ABR: variants seen among roughly 807,000 people sequenced by gnomAD.
ABR encodes the protein active breakpoint cluster region-related protein.
A neutral mutation model predicts 107.2 loss-of-function variants in ABR; 35 were observed. The ratio of observed to expected loss-of-function variants is 0.33; its 90% CI spans 0.25 to 0.43. The LOEUF is 0.43. Ranked by LOEUF, ABR falls within the 20% of genes least tolerant of loss-of-function variation. The pLI is 1.00. For missense variants in ABR, 815 were observed against 1,115.2 expected (o/e 0.73, Z 3.83); for synonymous variants, 498 against 462.0 (o/e 1.08, Z -1.00).
intron 1 of ABR, among the ~76,000 whole-genome samples, chr17:1,221,597 G>A (rs142632638): frequency 9.2e-5 from 14 of 152,184 alleles, no homozygotes; most frequent in Non-Finnish European, 1.0e-4. Flanking sequence ...AACCCCTATC[G>A]ACCAATCCCA....
In ABR at chr17:1,078,373, G is replaced by A. The variant is rs1427265862; in HGVS notation, c.700+957C>T. ...AAAGAAACTCCCAACTTCTCCCTCT[G>A]GCTCGCGCTGGCACCCTCTCGGCTG... On this transcript the variant is annotated intron_variant, in intron 6 of 22. Transcript: ENST00000302538. The surrounding 1 kb of genome is among the most constrained non-coding windows in gnomAD (Gnocchi z 7.5). Among the ~76,000 whole-genome samples, 1 of 152,068 alleles carries A rather than the reference G, an allele frequency of 6.6e-6. No individual in the cohort carries two copies. Among genetic ancestry groups the A allele is most frequent in the Non-Finnish European group, 1.5e-5 (1 of 67,998 alleles).
At chr17:1,072,881 AAC>A in intron 7 of ABR, 127 bp from the exon 8 acceptor site, 1 of 1,285,644 alleles carries the variant, frequency 7.8e-7, no homozygotes, top group Non-Finnish European at 1.0e-6. Context: ...GCAAAATCTG[AAC>A]TACAAATCAG....
intron 16 of ABR, among the ~76,000 whole-genome samples, chr17:1,046,254 TCGGCCTCC>T (rs2031585475): frequency 7.5e-6 from 1 of 133,224 alleles, no homozygotes; most frequent in Non-Finnish European, 1.8e-5. Flanking sequence ...TCCGCCCGCC[TCGGCCTCC>T]CAAAGTGCTG....
intron 6 of ABR, among the ~76,000 whole-genome samples, chr17:1,076,634 A>T (rs1033805556): frequency 2.0e-5 from 3 of 148,456 alleles, no homozygotes; most frequent in Admixed American, 1.4e-4. Context: ...GGTTATTAAC[A>T]TGTCTGTGGT....
At chr17:1,007,944 C>T (rs2070192206) in intron 21 of ABR, among the ~76,000 whole-genome samples, 1 of 152,232 alleles carries the variant, frequency 6.6e-6, no homozygotes, top group South Asian at 2.1e-4. Flanking sequence ...TGTGCTGGGG[C>T]AGGAGCAGCC....
In ABR at chr17:1,050,565, C is replaced by T. The variant is rs2032362064; in HGVS notation, c.1631G>A (p.Arg544Gln). 4 of 1,614,016 alleles carry T rather than the reference C, an allele frequency of 2.5e-6. No individual in the cohort carries two copies. The highest frequency in any genetic ancestry group is 2.5e-6 in the Non-Finnish European group (3 of 1,179,990). ...ATCCCACTTGGGCTCCGCTGTGTCC[C>T]GGAACACCCTGGTTTTGGCTTTGCT... ...FVSKAKTRVF[R>Q]DTAEPKWDEE... The change falls in exon 15 of 23, where the codon CGG becomes CAG. Residue 544 changes from arginine to glutamine, a missense_variant. Around this residue, in one of 5 missense-constraint regions of ABR, gnomAD observed 385 missense variants for 596.9 expected, o/e 0.64. Transcript: ENST00000302538. This position sits in a 1 kb window ranked among gnomAD's most constrained non-coding sequence, Gnocchi z 4.6.
In ABR at chr17:1,011,824, C is replaced by G. The variant is rs376076777; in HGVS notation, c.2101+22G>C. Reference sequence around the variant, plus strand: ...TGCTCAGACACAGCCACACCTGCCCCGGCTGGGCCTCCCAGACTCACTGGC... The same window carrying G: ...TGCTCAGACACAGCCACACCTGCCCGGGCTGGGCCTCCCAGACTCACTGGC... On this transcript the variant is annotated intron_variant, in intron 19 of 22. Coordinates refer to ENST00000302538, the MANE Select transcript of ABR (RefSeq NM_021962.5). This position sits in a 1 kb window ranked among gnomAD's most constrained non-coding sequence, Gnocchi z 4.8. The G allele has an allele frequency of 1.9e-6, 3 of 1,555,286 alleles. No homozygotes were observed. In the African/African-American group the frequency reaches 4.1e-5, roughly 21 times the overall value.
In ABR at chr17:1,039,091, G is replaced by A. The variant is rs180898824; in HGVS notation, c.1791+10959C>T. Among the ~76,000 whole-genome samples the A allele has an allele frequency of 2.0e-3, 309 of 152,294 alleles. 1 individual carries two copies. Among genetic ancestry groups the A allele is most frequent in the African/African-American group, 7.1e-3 (295 of 41,572 alleles). ...TGAGTCTGGGAGCCCGGCACCCAGA[G>A]CTGAGAACACCTTTTTTTGGTCTGT... On this transcript the variant is annotated intron_variant, in intron 16 of 22. Transcript: ENST00000302538.
chr17:1,012,842 G>A (rs749876678), intron 17 of ABR, 45 bp from the exon 18 acceptor site: 3 of 1,480,614 alleles, frequency 2.0e-6, no homozygotes, highest in Admixed American at 2.0e-5. Context: ...GGGTGTGAGT[G>A]CCCGAGGAAT....
At chr17:1,125,106 A>G in intron 2 of ABR, 77 bp downstream of exon 2, 1 of 1,445,692 alleles carries the variant, frequency 6.9e-7, no homozygotes, top group Non-Finnish European at 9.3e-7. Flanking sequence ...GACCAACCCA[A>G]GCAGGGCCTG....
chr17:1,049,949 A>T (rs1227294879), intron 16 of ABR, 101 bp downstream of exon 16: 5 of 1,474,678 alleles, frequency 3.4e-6, no homozygotes, highest in Admixed American at 4.4e-5. Context: ...CCAGCTTGGA[A>T]CCAAAATCAC....
At chr17:1,183,116 G>A (rs897113093), upstream of ABR, among the ~76,000 whole-genome samples, 14 of 152,168 alleles carry the variant, frequency 9.2e-5, no homozygotes, top group East Asian at 3.9e-4. Flanking sequence ...TAACCCCAGC[G>A]ATCAACCCCA....
intron 1 of ABR, among the ~76,000 whole-genome samples, chr17:1,140,134 A>G (rs1370330665): frequency 6.6e-6 from 1 of 152,176 alleles, no homozygotes; most frequent in Non-Finnish European, 1.5e-5. Flanking sequence ...AACGGGGCAA[A>G]CCGCCCCTCC....
intron 6 of ABR, among the ~76,000 whole-genome samples, chr17:1,076,714 C>CGGGGGGGGGGGG (rs376868048): frequency 2.4e-5 from 1 of 42,136 alleles, no homozygotes; most frequent in African/African-American, 1.7e-4. Flanking sequence ...GGCAGGTGCA[C>CGGGGGGGGGGGG]GGGGGGGGTG....
intron 1 of ABR, among the ~76,000 whole-genome samples, chr17:1,161,920 C>CTA (rs918448115): frequency 4.6e-5 from 7 of 152,180 alleles, no homozygotes; most frequent in African/African-American, 1.7e-4. Flanking sequence ...CGCTACACCA[C>CTA]TAGCTAATGG....
chr17:1,182,760 A>T (rs113860408), upstream of ABR, among the ~76,000 whole-genome samples: 4,233 of 152,264 alleles, frequency 0.028, 202 homozygotes, highest in African/African-American at 0.096. Context: ...CTGCGGGTCC[A>T]TGGGGTTAGA....
chr17:1,149,790 C>T (rs999989987), intron 1 of ABR, among the ~76,000 whole-genome samples: 3 of 152,148 alleles, frequency 2.0e-5, no homozygotes, highest in Non-Finnish European at 4.4e-5. Context: ...TAGGGGTTGC[C>T]GGGCACCTGT....
At chr17:1,025,597 G>GGT (rs1392167387) in intron 16 of ABR, among the ~76,000 whole-genome samples, 1 of 152,196 alleles carries the variant, frequency 6.6e-6, no homozygotes. Context: ...CCTGCCTCGG[G>GGT]GTGTGGACCT....
At chr17:1,216,033 ACTGCGGAAGGCCGCAGGGTC>A in intron 1 of ABR, among the ~76,000 whole-genome samples, 1 of 149,470 alleles carries the variant, frequency 6.7e-6, no homozygotes, top group African/African-American at 2.4e-5. Context: ...GGACACAAAC[ACTGCGGAAGGCCGCAGGGTC>A]CTCTGCCTAG....
Sources: allele counts gnomAD v4.1 joint callset (sites outside exome capture counted in the v4.1 genomes callset), GRCh38; gene constraint gnomAD v4.1.1; regional missense constraint gnomAD v4.1.1; non-coding constraint Gnocchi (gnomAD v3.1); transcripts MANE v1.5; gene names NCBI Gene and HGNC (gene_info 2026-07-23, HGNC 2026-07-21).